Variants in KCNQ3 observed in about 807,000 individuals in gnomAD.
KCNQ3 encodes the protein potassium voltage-gated channel subfamily KQT member 3.
A neutral mutation model predicts 92.5 loss-of-function variants in KCNQ3; 30 were observed. The ratio of observed to expected loss-of-function variants is 0.32; its 90% CI spans 0.24 to 0.44. KCNQ3 has a LOEUF of 0.44. Ranked by LOEUF, KCNQ3 falls within the 20% of genes least tolerant of loss-of-function variation. KCNQ3 has a pLI of 1.00. For missense variants in KCNQ3, 913 were observed against 1,140.3 expected (o/e 0.80, Z 2.87); for synonymous variants, 450 against 468.8 (o/e 0.96, Z 0.52).
intron 3 of KCNQ3, among the ~76,000 whole-genome samples, chr8:132,180,728 T>C (rs1454707905): frequency 6.6e-6 from 1 of 152,068 alleles, no homozygotes; most frequent in Non-Finnish European, 1.5e-5. Flanking sequence ...TGTTTCCATA[T>C]GTGTTTCTCC....
intron 1 of KCNQ3, among the ~76,000 whole-genome samples, chr8:132,335,940 T>C (rs1275553552): frequency 6.6e-6 from 1 of 152,204 alleles, no homozygotes; most frequent in Non-Finnish European, 1.5e-5. Context: ...CAGGAGGCCC[T>C]TGTGCTGGAG....
At chr8:132,348,191 C>T (rs996305539) in intron 1 of KCNQ3, among the ~76,000 whole-genome samples, 1 of 151,884 alleles carries the variant, frequency 6.6e-6, no homozygotes, top group African/African-American at 2.4e-5. Context: ...AAGTGAATTA[C>T]TATTTGCAGC....
rs78234352 is a variant in KCNQ3, at chr8:132,190,911, G to A, written c.387-4730C>T. On this transcript the variant is annotated intron_variant, in intron 1 of 14. Transcript: ENST00000388996. ...GTGTGCATTTGCTCTATTAGACTCT[G>A]CTCATGGAGGGCAGAGACTATGTCT... 8.8e-3 allele frequency among the ~76,000 whole-genome samples: 1,337 copies of A among 152,336 alleles called. 21 individuals carry two copies. The highest frequency in any genetic ancestry group is 0.031 in the African/African-American group (1,274 of 41,568).
At chr8:132,376,709 A>G (rs1037712425) in intron 1 of KCNQ3, among the ~76,000 whole-genome samples, 6 of 152,212 alleles carry the variant, frequency 3.9e-5, no homozygotes, top group African/African-American at 1.4e-4. Flanking sequence ...AGTTGTTTTG[A>G]TATCTATTAG....
At chr8:132,343,688 T>C (rs1818599492) in intron 1 of KCNQ3, among the ~76,000 whole-genome samples, 1 of 152,068 alleles carries the variant, frequency 6.6e-6, no homozygotes, top group South Asian at 2.1e-4. Context: ...GTTTTCCAGC[T>C]ACTCCTACCA....
intron 1 of KCNQ3, among the ~76,000 whole-genome samples, chr8:132,396,609 G>C: frequency 6.6e-6 from 1 of 152,166 alleles, no homozygotes; most frequent in African/African-American, 2.4e-5. Context: ...GACAGTTGTA[G>C]CGGGTAAGAT....
At chr8:132,196,259 T>G (rs4282550) in intron 1 of KCNQ3, among the ~76,000 whole-genome samples, 17,881 of 152,192 alleles carry the variant, frequency 0.12, 1,970 homozygotes, top group African/African-American at 0.29. Context: ...AATATTTACT[T>G]ATCATTCATT....
At chr8:132,415,941 G>A (rs1820790278) in intron 1 of KCNQ3, among the ~76,000 whole-genome samples, 1 of 152,218 alleles carries the variant, frequency 6.6e-6, no homozygotes, top group Non-Finnish European at 1.5e-5. Flanking sequence ...GTGCATGAGA[G>A]CCCATCTGGT....
At chr8:132,297,702 C>T (rs560773010) in intron 1 of KCNQ3, among the ~76,000 whole-genome samples, 9 of 152,346 alleles carry the variant, frequency 5.9e-5, no homozygotes, top group African/African-American at 2.2e-4. Context: ...ATTTCTGCCT[C>T]GTTCACATGA....
intron 1 of KCNQ3, among the ~76,000 whole-genome samples, chr8:132,340,356 C>A (rs1395149014): frequency 1.3e-5 from 2 of 152,148 alleles, no homozygotes; most frequent in South Asian, 4.1e-4. Context: ...GACTTGGAAC[C>A]AACCCGAATG....
At chr8:132,226,379 A>C (rs900275120) in intron 1 of KCNQ3, among the ~76,000 whole-genome samples, 2 of 152,154 alleles carry the variant, frequency 1.3e-5, no homozygotes, top group Admixed American at 1.3e-4. Flanking sequence ...GCTGATGGAA[A>C]AAGGTGTATA....
At chr8:132,216,820 G>T (rs1309739980) in intron 1 of KCNQ3, among the ~76,000 whole-genome samples, 1 of 152,124 alleles carries the variant, frequency 6.6e-6, no homozygotes, top group East Asian at 1.9e-4. Context: ...ACCTGTTAGA[G>T]TCATGTTACT....
intron 1 of KCNQ3, among the ~76,000 whole-genome samples, chr8:132,277,004 A>C (rs1201494008): frequency 6.6e-6 from 1 of 152,206 alleles, no homozygotes; most frequent in Non-Finnish European, 1.5e-5. Context: ...AAAGTGACAA[A>C]AATTATGATT....
At chr8:132,306,836 G>A (rs1260368484) in intron 1 of KCNQ3, among the ~76,000 whole-genome samples, 1 of 152,160 alleles carries the variant, frequency 6.6e-6, no homozygotes, top group Non-Finnish European at 1.5e-5. Flanking sequence ...GCTTAACAAA[G>A]GCAGACTCTT....
chr8:132,146,066 G>T (rs79529312), intron 9 of KCNQ3, among the ~76,000 whole-genome samples: 1 of 152,336 alleles, frequency 6.6e-6, no homozygotes, highest in East Asian at 1.9e-4. Flanking sequence ...CTTTAGAAAT[G>T]AAATACTATT....
rs77300278 is a variant in KCNQ3, at chr8:132,309,934, T to A, written c.387-123753A>T. The stretch of plus-strand genomic sequence containing the variant: ...CATCTTTGCTTTGTTTAGGCATGAC[T>A]TGTACTATTAATTACTTTAGGTATT... On this transcript the variant is annotated intron_variant, in intron 1 of 14. Coordinates refer to ENST00000388996, the MANE Select transcript of KCNQ3 (RefSeq NM_004519.4). Among the ~76,000 whole-genome samples the A allele has an allele frequency of 5.1e-3, 770 of 152,326 alleles. 8 individuals are homozygous for A. The highest frequency in any genetic ancestry group is 0.018 in the African/African-American group (738 of 41,572).
Position 132,480,669 on chromosome 8 carries a change from C to A in KCNQ3, c.-137G>T. ...ATGCCATGATCCGCGCGCCCCTCCC[C>A]ACCCCCCCCCAAAAGCAGGCAAAGG... On this transcript the variant is annotated 5_prime_UTR_variant, in exon 1 of 15. Transcript: ENST00000388996. 4 of 931,670 alleles carry A rather than the reference C, an allele frequency of 4.3e-6. No individual in the cohort carries two copies. Among genetic ancestry groups the A allele is most frequent in the Non-Finnish European group, 5.2e-6 (4 of 768,334 alleles). The allele number at this position is 931,670 out of a possible 1,614,324, so 57.7% of individuals were successfully genotyped here. A position where few individuals can be genotyped will look rare whatever the true frequency, so the allele number is the denominator to read the frequency against.
chr8:132,171,119 CAG>C (rs1399874153), intron 7 of KCNQ3, among the ~76,000 whole-genome samples: 4 of 152,168 alleles, frequency 2.6e-5, no homozygotes, highest in African/African-American at 4.8e-5. Context: ...TATAGGAGAA[CAG>C]AGTCTTTTGT....
intron 12 of KCNQ3, among the ~76,000 whole-genome samples, chr8:132,136,986 T>C (rs1008994691): frequency 2.0e-5 from 3 of 149,598 alleles, no homozygotes; most frequent in African/African-American, 7.4e-5. Context: ...CGTCTCAGCC[T>C]CCCAAGTAGC....
Sources: gnomAD v4.1 joint callset for allele counts (sites outside exome capture counted in the v4.1 genomes callset) on GRCh38, gnomAD v4.1.1 for gene constraint, MANE v1.5 for transcripts, NCBI Gene and HGNC (gene_info 2026-07-23, HGNC 2026-07-21) for gene names.